CPNE5: variants seen among roughly 807,000 people sequenced by gnomAD.
CPNE5 encodes copine 5, also known as copine-5.
Under a neutral mutation model 81.1 loss-of-function variants are expected in CPNE5, and 42 were observed. The ratio of observed to expected loss-of-function variants is 0.52; its 90% confidence interval spans 0.40 to 0.67. The LOEUF is 0.67. Among genes scored for constraint, CPNE5 ranks in the 30% least tolerant of loss-of-function variants. The probability of loss-of-function intolerance (pLI) is 0.00; values close to 1 mark genes in which losing one functional copy is unlikely to be tolerated. For missense variants in CPNE5, 612 were observed against 815.5 expected, an observed-to-expected ratio of 0.75 and a Z score of 3.04; for synonymous variants, 313 against 321.5, an observed-to-expected ratio of 0.97 and a Z score of 0.28.
chr6:36,742,732 G>A, intron 20 of CPNE5: 1 of 985,372 alleles, frequency 1.0e-6, no homozygotes, highest in Non-Finnish European at 1.2e-6. Context: ...TTCCACACCA[G>A]GACACACCAC....
At chr6:36,807,303 G>A (rs1370219411) in intron 3 of CPNE5, among the ~76,000 whole-genome samples, 1 of 152,202 alleles carries the variant, frequency 6.6e-6, no homozygotes, top group African/African-American at 2.4e-5. Context: ...CCCTGGTTAT[G>A]TGACCTTGGG....
intron 8 of CPNE5, among the ~76,000 whole-genome samples, chr6:36,786,733 G>T (rs2150492228): frequency 6.6e-6 from 1 of 152,250 alleles, no homozygotes; most frequent in Admixed American, 6.5e-5. Flanking sequence ...AATGTATAAT[G>T]ATACAGGAAA....
intron 1 of CPNE5, among the ~76,000 whole-genome samples, chr6:36,836,893 C>A (rs1437879028): frequency 6.6e-6 from 1 of 152,162 alleles, no homozygotes; most frequent in Non-Finnish European, 1.5e-5. Context: ...CATCTCTCCC[C>A]ACCAAAACCC....
chr6:36,769,240 A>G (rs1301684208), intron 10 of CPNE5, among the ~76,000 whole-genome samples: 2 of 152,162 alleles, frequency 1.3e-5, no homozygotes, highest in South Asian at 4.1e-4. Context: ...AGGTAATAAT[A>G]CCGTCATTCT....
At chr6:36,793,985 G>T (rs977280037) in intron 7 of CPNE5, among the ~76,000 whole-genome samples, 2 of 152,240 alleles carry the variant, frequency 1.3e-5, no homozygotes, top group Non-Finnish European at 2.9e-5. Context: ...GAGGGAAGGA[G>T]GGGGAGGCTC....
intron 10 of CPNE5, among the ~76,000 whole-genome samples, 183 bp downstream of exon 10, chr6:36,774,778 G>T (rs569731859): frequency 6.6e-6 from 1 of 152,314 alleles, no homozygotes; most frequent in East Asian, 1.9e-4. Context: ...GGTGCAGCAG[G>T]GAAAGAGTGG....
chr6:36,803,665 G>A (rs942669065), intron 3 of CPNE5, among the ~76,000 whole-genome samples: 1 of 152,178 alleles, frequency 6.6e-6, no homozygotes, highest in Non-Finnish European at 1.5e-5. Flanking sequence ...TGTGTGTGTT[G>A]TTTGAATTAT....
chr6:36,780,113 G>A (rs910206093), intron 8 of CPNE5, among the ~76,000 whole-genome samples: 12 of 152,146 alleles, frequency 7.9e-5, no homozygotes, highest in South Asian at 2.1e-4. Context: ...ACAGGCGCCC[G>A]CCACCACACC....
At chr6:36,814,436 C>T (rs1436865302) in intron 3 of CPNE5, among the ~76,000 whole-genome samples, 9 of 152,234 alleles carry the variant, frequency 5.9e-5, no homozygotes, top group Non-Finnish European at 1.2e-4. Context: ...TTCAAAAACT[C>T]ATTGCCAACT....
At chr6:36,745,614 G>C in intron 16 of CPNE5, 99 bp from the exon 17 acceptor site, 1 of 1,344,484 alleles carries the variant, frequency 7.4e-7, no homozygotes, top group Non-Finnish European at 1.0e-6. Flanking sequence ...GCAGGCCTGG[G>C]CTCCCCCAGG....
rs201200939 is a variant in CPNE5 at position 36,744,241 on chromosome 6, G to T, written c.1489+27C>A. The T allele has an allele frequency of 2.9e-4, 455 of 1,560,578 alleles. 1 individual carries two copies. In the African/African-American group the frequency reaches 5.4e-3, roughly 18 times the overall value. On this transcript the variant is annotated intron_variant, in intron 19 of 20. Transcript: ENST00000244751. ...AGGGTTGCGTGGCTAGGGAAGGAAA[G>T]GAGGGGAAGGCAGCAGCTGGACTCA...
At chr6:36,827,113 C>T (rs1772567131) in intron 1 of CPNE5, among the ~76,000 whole-genome samples, 1 of 152,154 alleles carries the variant, frequency 6.6e-6, no homozygotes, top group South Asian at 2.1e-4. Flanking sequence ...CCCCAACACA[C>T]TCCCAGGGCT....
chr6:36,759,354 G>A (rs925388319), intron 12 of CPNE5, among the ~76,000 whole-genome samples: 2 of 151,358 alleles, frequency 1.3e-5, no homozygotes, highest in African/African-American at 4.9e-5. Context: ...GCCACCTAGG[G>A]GCCAGCCGAG....
intron 8 of CPNE5, among the ~76,000 whole-genome samples, chr6:36,787,737 G>A (rs368989309): frequency 9.9e-5 from 15 of 152,124 alleles, no homozygotes; most frequent in African/African-American, 2.9e-4. Context: ...GGAGGCCCCC[G>A]GGGCAGTTAT....
At chr6:36,790,462 C>T (rs867864393) in intron 8 of CPNE5, among the ~76,000 whole-genome samples, 1 of 152,150 alleles carries the variant, frequency 6.6e-6, no homozygotes, top group Non-Finnish European at 1.5e-5. Flanking sequence ...AGATTGACTA[C>T]AGAAGCAGCT....
chr6:36,769,654 C>T (rs376302939), intron 10 of CPNE5, among the ~76,000 whole-genome samples: 1 of 152,208 alleles, frequency 6.6e-6, no homozygotes, highest in East Asian at 1.9e-4. Flanking sequence ...CTGGGGCAGG[C>T]AGTGAGACTG....
chr6:36,775,628 C>G (rs1164099655), intron 9 of CPNE5, among the ~76,000 whole-genome samples: 2 of 152,200 alleles, frequency 1.3e-5, no homozygotes, highest in African/African-American at 4.8e-5. Context: ...TCCACGAAAC[C>G]TCCCCTGACT....
At chr6:36,757,267 G>A (rs1765577385) in intron 12 of CPNE5, 1 of 953,322 alleles carries the variant, frequency 1.0e-6, no homozygotes, top group South Asian at 4.8e-5. Flanking sequence ...ATCAAACAAA[G>A]CCAGGCAATT....
In CPNE5 at chr6:36,791,957, G is replaced by T. The variant is rs1157281878; in HGVS notation, c.528+76C>A. The stretch of plus-strand genomic sequence containing the variant: ...CCTGTCTACCCTCGGTTCCCTCCAG[G>T]GGCTCAGGGAGGCCAGCCTGCACTC... On this transcript the variant is annotated intron_variant, in intron 8 of 20. Transcript: ENST00000244751. 8 of 1,314,578 alleles carry T rather than the reference G, an allele frequency of 6.1e-6. No homozygotes were observed. The South Asian group carries it at 9.4e-5, about 15-fold the overall frequency. The allele number at this position is 1,314,578 out of a possible 1,614,324, so 81.4% of individuals were successfully genotyped here.
Sources: allele counts gnomAD v4.1 joint callset (sites outside exome capture counted in the v4.1 genomes callset), GRCh38; gene constraint gnomAD v4.1.1; transcripts MANE v1.5; gene names NCBI Gene and HGNC (gene_info 2026-07-23, HGNC 2026-07-21).